FRAS1: variants seen among roughly 807,000 people sequenced by gnomAD.
FRAS1 encodes the protein extracellular matrix organizing protein FRAS1.
FRAS1 carries 290 observed loss-of-function variants against 435.2 expected under a neutral mutation model. The ratio of observed to expected loss-of-function variants is 0.67; its 90% CI spans 0.61 to 0.73. The LOEUF (loss-of-function observed/expected upper bound fraction) is 0.73. Among genes scored for constraint, FRAS1 ranks in the 30% least tolerant of loss-of-function variants. FRAS1 has a pLI of 0.00. For missense variants in FRAS1, 4,860 were observed against 5,001.5 expected (o/e 0.97, Z 0.85); for synonymous variants, 1,800 against 1,851.0 (o/e 0.97, Z 0.71).
At chr4:78,442,726 T>A (rs1392643830) in intron 41 of FRAS1, among the ~76,000 whole-genome samples, 1 of 152,208 alleles carries the variant, frequency 6.6e-6, no homozygotes, top group Non-Finnish European at 1.5e-5. Context: ...TCTCAAACTT[T>A]AAGGTGCAGT....
chr4:78,087,632 CAG>C (rs1246134100), intron 2 of FRAS1, among the ~76,000 whole-genome samples: 1 of 152,114 alleles, frequency 6.6e-6, no homozygotes, highest in African/African-American at 2.4e-5. Flanking sequence ...ACACCAATAA[CAG>C]ACAAACAGAG....
rs1478332378 is a variant in FRAS1 at position 78,282,605 on chromosome 4, A to C, written c.1108-215A>C. On this transcript the variant is annotated intron_variant, in intron 11 of 73. Transcript: ENST00000512123. Reference sequence around the variant, plus strand: ...TAAAATCTTTCGGCTGGTTCTCTACATTGAAGTAAAACCCATTATGAACAA... The same window carrying C: ...TAAAATCTTTCGGCTGGTTCTCTACCTTGAAGTAAAACCCATTATGAACAA... 9.3e-4 allele frequency among the ~76,000 whole-genome samples: 11 copies of C among 11,806 alleles called. No individual in the cohort carries two copies. In the Non-Finnish European group the frequency reaches 0.014, roughly 15 times the overall value. The allele number at this position is 11,806 out of a possible 152,430, so 7.7% of individuals were successfully genotyped here. A position where few individuals can be genotyped will look rare whatever the true frequency, so the allele number is the denominator to read the frequency against.
At chr4:78,403,643 A>G (rs1282889067) in intron 30 of FRAS1, among the ~76,000 whole-genome samples, 1 of 152,186 alleles carries the variant, frequency 6.6e-6, no homozygotes, top group Non-Finnish European at 1.5e-5. Flanking sequence ...TTGCTTGTAT[A>G]GTATGTGCAT....
chr4:78,343,589 G>A (rs936181986), intron 20 of FRAS1, among the ~76,000 whole-genome samples: 1 of 152,114 alleles, frequency 6.6e-6, no homozygotes, highest in Non-Finnish European at 1.5e-5. Context: ...ACACTTTTGA[G>A]TCCTTTCCAT....
chr4:78,186,075 A>G (rs1722255918), intron 2 of FRAS1, among the ~76,000 whole-genome samples: 1 of 152,242 alleles, frequency 6.6e-6, no homozygotes, highest in Admixed American at 6.5e-5. Flanking sequence ...TGGTAACATC[A>G]GAAACTTGGG....
chr4:78,190,570 CCTT>C (rs1334617577), intron 2 of FRAS1, among the ~76,000 whole-genome samples: 4 of 151,662 alleles, frequency 2.6e-5, no homozygotes, highest in African/African-American at 9.7e-5. Flanking sequence ...TCCCTTCTTT[CCTT>C]CTTTCTTTCC....
At chr4:78,125,131 T>C (rs1360899053) in intron 2 of FRAS1, among the ~76,000 whole-genome samples, 1 of 152,234 alleles carries the variant, frequency 6.6e-6, no homozygotes, top group Admixed American at 6.5e-5. Context: ...CATTTAATGC[T>C]ATAAATTTCC....
intron 20 of FRAS1, among the ~76,000 whole-genome samples, chr4:78,346,949 G>T (rs933899784): frequency 1.3e-5 from 2 of 151,688 alleles, no homozygotes; most frequent in Non-Finnish European, 2.9e-5. Context: ...TTCCTCCAGG[G>T]CCCTTGTGTC....
intron 2 of FRAS1, among the ~76,000 whole-genome samples, chr4:78,191,535 T>A (rs1462630911): frequency 5.3e-3 from 6 of 1,132 alleles, no homozygotes; most frequent in African/African-American, 5.4e-3. Context: ...TATTATTTTC[T>A]TTTTTTTTTT....
intron 3 of FRAS1, among the ~76,000 whole-genome samples, chr4:78,239,226 T>A (rs903443171): frequency 6.6e-6 from 1 of 152,200 alleles, no homozygotes; most frequent in Non-Finnish European, 1.5e-5. Flanking sequence ...CTCATCTTGG[T>A]AAATGGCAAC....
intron 2 of FRAS1, among the ~76,000 whole-genome samples, chr4:78,135,115 G>C (rs1382255337): frequency 6.6e-6 from 1 of 152,176 alleles, no homozygotes; most frequent in East Asian, 1.9e-4. Flanking sequence ...ACAAAAGAGA[G>C]ATAAGCCAAA....
rs113539272 is a variant in FRAS1 at position 78,482,755 on chromosome 4, T to A, written c.8752+220T>A. 0.015 allele frequency among the ~76,000 whole-genome samples: 2,277 copies of A among 152,242 alleles called. 56 individuals carry two copies. Among genetic ancestry groups the A allele is most frequent in the African/African-American group, 0.05 (2,075 of 41,532 alleles). On this transcript the variant is annotated intron_variant, in intron 58 of 73. Transcript: ENST00000512123. ...ACTCTGCCAGACACAAAGAGATGTATAAGCCTTGGGCCCTGTCCTCAAGAA... is the reference window on the plus strand; with the variant it reads ...ACTCTGCCAGACACAAAGAGATGTAAAAGCCTTGGGCCCTGTCCTCAAGAA...
intron 2 of FRAS1, chr4:78,181,831 C>T: frequency 6.2e-7 from 1 of 1,612,090 alleles, no homozygotes; most frequent in Non-Finnish European, 8.5e-7. Flanking sequence ...TCTGGGACTC[C>T]TTGCGCAGCT....
rs1207432719 is a variant in FRAS1, at chr4:78,179,302, C to G, written c.109-58208C>G. 2.6e-5 allele frequency among the ~76,000 whole-genome samples: 4 copies of G among 152,170 alleles called. No homozygotes were observed. In the East Asian group the frequency reaches 7.7e-4, roughly 29 times the overall value. On this transcript the variant is annotated intron_variant, in intron 2 of 73. Transcript: ENST00000512123. ...TTTCTCATTCTTTCAGCCTTGGGGC[C>G]TTTTCTTGACATCTGGCTCTCCACA...
chr4:78,540,866 C>T lies in FRAS1; in HGVS notation c.11781C>T (p.Asn3927=), dbSNP rs1381280892. The change falls in exon 74 of 74, where the codon AAC becomes AAT. Residue 3927 remains asparagine, a synonymous_variant. Coordinates refer to ENST00000512123, the MANE Select transcript of FRAS1 (RefSeq NM_025074.7). ...TGTTTTTGGTGGCTTGTTTTATCAACAGGAAATGCCAGAAACAGAGGAAGA... is the reference window on the plus strand; with the variant it reads ...TGTTTTTGGTGGCTTGTTTTATCAATAGGAAATGCCAGAAACAGAGGAAGA... ...LLVFLVACFI[N]RKCQKQRKKK... is the part of the protein sequence containing the mutation. The T allele has an allele frequency of 6.2e-7, 1 of 1,613,934 alleles. No individual in the cohort carries two copies. Among genetic ancestry groups the T allele is most frequent in the Admixed American group, 1.7e-5 (1 of 60,022 alleles).
chr4:78,480,379 A>G (rs1346202576), intron 56 of FRAS1, among the ~76,000 whole-genome samples: 3 of 152,198 alleles, frequency 2.0e-5, no homozygotes, highest in African/African-American at 7.2e-5. Flanking sequence ...AAAGGTTAAA[A>G]TCATTGAGGT....
Position 78,252,419 on chromosome 4 carries a change from T to C in FRAS1, c.337T>C (p.Cys113Arg), listed in dbSNP as rs199593448. The change falls in exon 5 of 74, where the codon TGT (cysteine) becomes CGT (arginine). Residue 113 changes from cysteine (C) to arginine (R), a missense_variant. Cys to Arg is a radical substitution (Grantham distance 180). Coordinates refer to ENST00000512123, the MANE Select transcript of FRAS1 (RefSeq NM_025074.7). Reference sequence around the variant, plus strand: ...TGGGACAGAATGGGCCTCTTCTCCATGTAGTGTGTGCTCTTGCAATCATGG... The same window carrying C: ...TGGGACAGAATGGGCCTCTTCTCCACGTAGTGTGTGCTCTTGCAATCATGG... ...EHGTEWASSP[C>R]SVCSCNHGEV... 1.2e-4 allele frequency: 189 copies of C among 1,613,510 alleles called. No homozygotes were observed. Among genetic ancestry groups the C allele is most frequent in the Non-Finnish European group, 1.4e-4 (171 of 1,179,756 alleles).
At chr4:78,119,825 T>C (rs10025977) in intron 2 of FRAS1, among the ~76,000 whole-genome samples, 25,535 of 152,128 alleles carry the variant, frequency 0.17, 2,324 homozygotes, top group Admixed American at 0.21. Flanking sequence ...GACCAGTGTA[T>C]GGGAAACTCC....
chr4:78,356,601 C>T (rs1270948781), intron 20 of FRAS1, among the ~76,000 whole-genome samples: 4 of 152,110 alleles, frequency 2.6e-5, no homozygotes, highest in African/African-American at 4.8e-5. Flanking sequence ...CCCTTGAGAA[C>T]AATTCAGCAG....
Sources: allele counts gnomAD v4.1 joint callset (sites outside exome capture counted in the v4.1 genomes callset), GRCh38; gene constraint gnomAD v4.1.1; transcripts MANE v1.5; gene names NCBI Gene and HGNC (gene_info 2026-07-23, HGNC 2026-07-21).